The following UBR1 variants were observed in gnomAD, a reference collection of about 807,000 sequenced individuals.
UBR1 encodes the protein ubiquitin protein ligase E3 component n-recognin 1.
A neutral mutation model predicts 242.1 loss-of-function variants in UBR1; 102 were observed. The ratio of observed to expected loss-of-function variants is 0.42; its 90% CI spans 0.36 to 0.50. The LOEUF (loss-of-function observed/expected upper bound fraction) is 0.50. Among genes scored for constraint, UBR1 ranks in the 20% least tolerant of loss-of-function variants. The pLI is 0.01. For missense variants in UBR1, 1,772 were observed against 2,101.8 expected (o/e 0.84, Z 3.07); for synonymous variants, 675 against 684.8 (o/e 0.99, Z 0.22).
rs373539628 is a variant in UBR1 at position 42,952,416 on chromosome 15, T to C, written c.4868A>G (p.His1623Arg). 3.2e-5 allele frequency: 52 copies of C among 1,614,126 alleles called. No individual in the cohort carries two copies. In the Middle Eastern group the frequency reaches 4.9e-4, roughly 15 times the overall value. ...CCCACAGAAAAGGCAGAGGACAGGA[T>C]GCTTTCGCTCATCATCTGCAGACCG... Reference protein sequence around the residue: ...CPRSADDERKHPVLCLFCGAI... With the variant: ...CPRSADDERKRPVLCLFCGAI... The change falls in exon 45 of 47, where the codon CAT becomes CGT. Residue 1623 changes from histidine (H) to arginine (R), a missense_variant. This residue lies in a region of UBR1 where 965 missense variants were observed against 1,079.7 expected (regional missense o/e 0.89). Transcript: ENST00000290650.
At chr15:43,045,794 G>A (rs1025323498) in intron 14 of UBR1, among the ~76,000 whole-genome samples, 1 of 152,182 alleles carries the variant, frequency 6.6e-6, no homozygotes. Flanking sequence ...GGAATGTCTC[G>A]TTTAGCAGGC....
chr15:43,011,511 A>C (rs980578635), intron 29 of UBR1, among the ~76,000 whole-genome samples: 1 of 152,264 alleles, frequency 6.6e-6, no homozygotes, highest in African/African-American at 2.4e-5. Context: ...GTAAAAGGTC[A>C]GTGAATAATC....
rs745514159 is a variant in UBR1 at position 42,947,444 on chromosome 15, CAGG to C, written c.5109-1977_5109-1975del. ...GGAAGTTCTGGCCAGGGCAATTAGGCAGGAGAAGGAAATAAAGGGTATTCAATT... is the reference window on the plus strand; with the variant it reads ...GGAAGTTCTGGCCAGGGCAATTAGGCAGAAGGAAATAAAGGGTATTCAATT... On this transcript the variant is annotated intron_variant, in intron 46 of 46. Transcript: ENST00000290650. 1.6e-4 allele frequency among the ~76,000 whole-genome samples: 24 copies of C among 152,120 alleles called. No homozygotes were observed. In the East Asian group the frequency reaches 3.3e-3, roughly 21 times the overall value.
chr15:43,042,610 A>G (rs898127556), intron 15 of UBR1, among the ~76,000 whole-genome samples: 91 of 152,286 alleles, frequency 6.0e-4, no homozygotes, highest in Non-Finnish European at 1.0e-3. Flanking sequence ...CTTAGAAGAT[A>G]AAAAGCTTTT....
At chr15:42,982,736 A>G (rs539511911) in intron 37 of UBR1, among the ~76,000 whole-genome samples, 4 of 145,740 alleles carry the variant, frequency 2.7e-5, no homozygotes, top group Admixed American at 6.9e-5. Flanking sequence ...ATTTTGCTGG[A>G]AAAAAAAAAT....
chr15:43,002,672 T>G lies in UBR1; in HGVS notation c.3542A>C (p.Gln1181Pro). Residue 1181 changes from glutamine to proline, a missense_variant, in exon 32 of 47, where the codon CAG becomes CCG. Transcript: ENST00000290650. ...GTCAAAAAGGTCAACATGAATGCGC[T>G]GCTGAGAGCTCAGCTGTACAGCTTC... is the stretch of plus-strand genomic sequence containing the variant. ...YFEAVQLSSQ[Q>P]RIHVDLFDLE... is the part of the protein sequence containing the mutation. The G allele has an allele frequency of 1.9e-6, 3 of 1,614,184 alleles. No individual in the cohort carries two copies. The highest frequency in any genetic ancestry group is 2.5e-6 in the Non-Finnish European group (3 of 1,180,032).
At chr15:43,012,518 A>G (rs1013961404) in intron 29 of UBR1, among the ~76,000 whole-genome samples, 1 of 152,236 alleles carries the variant, frequency 6.6e-6, no homozygotes, top group African/African-American at 2.4e-5. Flanking sequence ...TTCAATAAGA[A>G]CACATTCAAA....
At chr15:43,063,946 G>A (rs576506321) in intron 6 of UBR1, among the ~76,000 whole-genome samples, 1 of 152,268 alleles carries the variant, frequency 6.6e-6, no homozygotes, top group East Asian at 1.9e-4. Context: ...ATGTTGGTCA[G>A]GCTGGTCTCA....
At chr15:42,992,695 T>TA (rs1183709700) in intron 33 of UBR1, among the ~76,000 whole-genome samples, 1 of 152,226 alleles carries the variant, frequency 6.6e-6, no homozygotes, top group Non-Finnish European at 1.5e-5. Context: ...AGTCCCCTTC[T>TA]ATAGTTCTCT....
chr15:42,977,569 A>G (rs936941502), intron 38 of UBR1, among the ~76,000 whole-genome samples: 1 of 152,182 alleles, frequency 6.6e-6, no homozygotes, highest in Admixed American at 6.5e-5. Flanking sequence ...TATCATATAT[A>G]CAACTTAAGA....
At chr15:42,961,109 C>T (rs1178883872) in intron 42 of UBR1, among the ~76,000 whole-genome samples, 1 of 149,494 alleles carries the variant, frequency 6.7e-6, no homozygotes, top group Non-Finnish European at 1.5e-5. Context: ...TTCTATGTTC[C>T]CCCTTTTTTT....
At chr15:43,092,458 C>T (rs964561390) in intron 1 of UBR1, among the ~76,000 whole-genome samples, 1 of 152,240 alleles carries the variant, frequency 6.6e-6, no homozygotes, top group East Asian at 1.9e-4. Flanking sequence ...CACAAGTACA[C>T]AATAAAAGTT....
At chr15:42,970,103 G>A (rs1333896559) in intron 40 of UBR1, among the ~76,000 whole-genome samples, 2 of 152,088 alleles carry the variant, frequency 1.3e-5, no homozygotes, top group South Asian at 2.1e-4. Flanking sequence ...ATACTACAAG[G>A]CCACAATAAC....
chr15:42,992,489 G>A (rs2032571203), intron 33 of UBR1, among the ~76,000 whole-genome samples: 1 of 152,254 alleles, frequency 6.6e-6, no homozygotes, highest in African/African-American at 2.4e-5. Flanking sequence ...TGATTCCAAT[G>A]TTAGTTTTCA....
chr15:43,076,213 C>T (rs1280195436), intron 3 of UBR1, among the ~76,000 whole-genome samples: 1 of 152,114 alleles, frequency 6.6e-6, no homozygotes, highest in South Asian at 2.1e-4. Context: ...AGCCCCTAAC[C>T]GCGAGTGATC....
intron 12 of UBR1, among the ~76,000 whole-genome samples, chr15:43,051,877 G>A (rs962400713): frequency 6.6e-6 from 1 of 152,168 alleles, no homozygotes; most frequent in African/African-American, 2.4e-5. Context: ...TGGTTTGAGA[G>A]TGTGCTATAC....
rs148445547 is a variant in UBR1 at position 43,013,366 on chromosome 15, T to G, written c.3209+2322A>C. On this transcript the variant is annotated intron_variant, in intron 29 of 46. Coordinates refer to ENST00000290650, the MANE Select transcript of UBR1 (RefSeq NM_174916.3). ...AGCCCACAAAGCACAGCTCAGAAAA[T>G]TAACCAATTTCTCTAAGAGCATACC... Among the ~76,000 whole-genome samples, 33 of 152,296 alleles carry G rather than the reference T, an allele frequency of 2.2e-4. No individual in the cohort carries two copies. The East Asian group carries it at 6.2e-3, about 28-fold the overall frequency.
At chr15:42,983,618 T>C (rs111852667) in intron 37 of UBR1, among the ~76,000 whole-genome samples, 19 of 150,696 alleles carry the variant, frequency 1.3e-4, no homozygotes, top group African/African-American at 3.9e-4. Flanking sequence ...TGAGCCGAGA[T>C]TGCGCCATTG....
rs1298317805 is a variant in UBR1, at chr15:43,056,221, T to C, written c.1281+123A>G. ...AACTAGTCCTTGGGTAGCACTAAAG[T>C]ATTCACATAGCCCAACTTAGTGATT... On this transcript the variant is annotated intron_variant, in intron 11 of 46. Transcript: ENST00000290650. 3.8e-6 allele frequency: 3 copies of C among 792,044 alleles called. No individual in the cohort carries two copies. In the African/African-American group the frequency reaches 5.1e-5, roughly 13 times the overall value. The allele number at this position is 792,044 out of a possible 1,614,324, so 49.1% of individuals were successfully genotyped here.
Sources: allele counts gnomAD v4.1 joint callset (sites outside exome capture counted in the v4.1 genomes callset), GRCh38; gene constraint gnomAD v4.1.1; regional missense constraint gnomAD v4.1.1; transcripts MANE v1.5; gene names NCBI Gene and HGNC (gene_info 2026-07-23, HGNC 2026-07-21).